KIAA1549L: variants seen among roughly 807,000 people sequenced by gnomAD.
The protein encoded by KIAA1549L is UPF0606 protein KIAA1549L.
In KIAA1549L, 88 loss-of-function variants were observed where a neutral mutation model predicts 160.7. That is an observed-to-expected ratio of 0.55 (90% CI 0.46 to 0.65). KIAA1549L has a LOEUF of 0.65. KIAA1549L is among the 30% of genes least tolerant of loss of function. The pLI, the probability that KIAA1549L is intolerant of heterozygous loss-of-function variation, is 0.00. For synonymous variants in KIAA1549L, 950 were observed against 976.7 expected (o/e 0.97, Z 0.51); for missense variants, 2,258 against 2,437.5 (o/e 0.93, Z 1.55).
At chr11:33,531,499 G>T (rs143866056) in intron 1 of KIAA1549L, among the ~76,000 whole-genome samples, 1 of 152,126 alleles carries the variant, frequency 6.6e-6, no homozygotes, top group African/African-American at 2.4e-5. Context: ...AAAATAAAAT[G>T]GGGAGGGAGA....
At chr11:33,638,926 G>A (rs1222537095) in intron 16 of KIAA1549L, among the ~76,000 whole-genome samples, 1 of 151,982 alleles carries the variant, frequency 6.6e-6, no homozygotes, top group Non-Finnish European at 1.5e-5. Context: ...TTTCATTGAG[G>A]TATCTTTTCA....
intron 16 of KIAA1549L, among the ~76,000 whole-genome samples, chr11:33,642,630 A>G (rs1453014110): frequency 1.3e-5 from 2 of 151,754 alleles, no homozygotes; most frequent in Non-Finnish European, 2.9e-5. Context: ...AGAGCAGGTA[A>G]TTGGAATGAG....
rs1854783668 is a variant in KIAA1549L at position 33,559,888 on chromosome 11, A to G, written c.3995A>G (p.Tyr1332Cys). 1.2e-6 allele frequency: 2 copies of G among 1,613,960 alleles called. No homozygotes were observed. The highest frequency in any genetic ancestry group is 1.1e-5 in the South Asian group (1 of 91,070). Residue 1332 changes from tyrosine (Y) to cysteine (C), a missense_variant, in exon 7 of 21, where the codon TAT becomes TGT. By Grantham distance (194) the Tyr-to-Cys change is radical. Transcript: ENST00000658780. ...GAGCTGGTGGGATTCTACCTCACCT[A>G]TCCGCCGCTAACCATTGCTGAACGT... ...SAELVGFYLT[Y>C]PPLTIAEPLE... is the part of the protein sequence containing the mutation.
chr11:33,603,085 C>T (rs954355563), intron 13 of KIAA1549L, among the ~76,000 whole-genome samples: 5 of 152,136 alleles, frequency 3.3e-5, no homozygotes, highest in African/African-American at 1.2e-4. Context: ...ATGACTTTAA[C>T]TTCTGCATGG....
intron 16 of KIAA1549L, among the ~76,000 whole-genome samples, chr11:33,636,222 G>A (rs952080961): frequency 6.6e-6 from 1 of 152,030 alleles, no homozygotes; most frequent in Non-Finnish European, 1.5e-5. Flanking sequence ...GAGTGGTAAC[G>A]CAATTTGGTT....
At position 33,648,460 on chromosome 11, in the gene KIAA1549L, A is replaced by C. The variant is rs145936561; in HGVS notation, c.5760+2424A>C. 9.3e-5 allele frequency among the ~76,000 whole-genome samples: 14 copies of C among 150,976 alleles called. No individual in the cohort carries two copies. In the East Asian group the frequency reaches 2.4e-3, roughly 26 times the overall value. On this transcript the variant is annotated intron_variant, in intron 17 of 20. Transcript: ENST00000658780. ...TCATGCAGAGTCCTTTTGTGCTTTG[A>C]TAATGTGGAAATCCATAGAAAAGGT...
chr11:33,623,921 C>T (rs1018430765), intron 16 of KIAA1549L, among the ~76,000 whole-genome samples: 1 of 152,148 alleles, frequency 6.6e-6, no homozygotes, highest in African/African-American at 2.4e-5. Flanking sequence ...CGTTCTGGAC[C>T]CTGTCTGCTC....
At chr11:33,630,255 G>C (rs1233879094) in intron 16 of KIAA1549L, among the ~76,000 whole-genome samples, 1 of 152,250 alleles carries the variant, frequency 6.6e-6, no homozygotes, top group Non-Finnish European at 1.5e-5. Flanking sequence ...CCTGCCCCCA[G>C]AGGTGGAGCC....
At chr11:33,659,978 C>G (rs1388810192) in intron 19 of KIAA1549L, among the ~76,000 whole-genome samples, 1 of 152,254 alleles carries the variant, frequency 6.6e-6, no homozygotes, top group Admixed American at 6.5e-5. Context: ...TCCCAGAGTC[C>G]TCCTCTGCTT....
intron 1 of KIAA1549L, among the ~76,000 whole-genome samples, chr11:33,502,695 G>T (rs1852979978): frequency 6.6e-6 from 1 of 152,200 alleles, no homozygotes; most frequent in Non-Finnish European, 1.5e-5. Flanking sequence ...TATGCTTCAT[G>T]GAGTATAGTG....
intron 1 of KIAA1549L, among the ~76,000 whole-genome samples, chr11:33,516,141 T>TGAGATGTGATCAGCTA (rs1590303060): frequency 4.0e-5 from 2 of 49,504 alleles, no homozygotes; most frequent in Admixed American, 1.6e-4. Context: ...AGGTGATTCT[T>TGAGATGTGATCAGCTA]TTTTTTTTTT....
intron 1 of KIAA1549L, among the ~76,000 whole-genome samples, chr11:33,533,687 A>G (rs923006377): frequency 5.3e-5 from 8 of 152,176 alleles, no homozygotes; most frequent in Non-Finnish European, 1.0e-4. Flanking sequence ...AGCTTAGTGA[A>G]AATGTATGTG....
At chr11:33,576,787 A>G (rs770418387) in intron 10 of KIAA1549L, among the ~76,000 whole-genome samples, 1 of 152,144 alleles carries the variant, frequency 6.6e-6, no homozygotes, top group African/African-American at 2.4e-5. Context: ...ATTTGTTGAG[A>G]TGCAGAAGGT....
intron 1 of KIAA1549L, among the ~76,000 whole-genome samples, chr11:33,463,405 G>A (rs1370441520): frequency 6.6e-6 from 1 of 150,984 alleles, no homozygotes; most frequent in African/African-American, 2.4e-5. Context: ...AAAAAAAAAA[G>A]TAGTGTTGAA....
At chr11:33,528,291 T>A (rs1298600361) in intron 1 of KIAA1549L, among the ~76,000 whole-genome samples, 1 of 152,156 alleles carries the variant, frequency 6.6e-6, no homozygotes, top group African/African-American at 2.4e-5. Context: ...ACCTTACTCC[T>A]GCAAGAATGG....
chr11:33,565,228 C>A (rs1855009284), intron 8 of KIAA1549L, among the ~76,000 whole-genome samples: 1 of 152,098 alleles, frequency 6.6e-6, no homozygotes, highest in Non-Finnish European at 1.5e-5. Context: ...CCTGAGCCTG[C>A]CACATTTTTC....
intron 9 of KIAA1549L, among the ~76,000 whole-genome samples, chr11:33,569,424 A>C (rs771191730): frequency 1.8e-4 from 28 of 152,232 alleles, no homozygotes; most frequent in Non-Finnish European, 3.8e-4. Context: ...TACCCCTGGC[A>C]TGTGAACCCC....
At chr11:33,530,439 ATATATATATATAT>A (rs1853738476) in intron 1 of KIAA1549L, among the ~76,000 whole-genome samples, 2 of 3,740 alleles carry the variant, frequency 5.3e-4, no homozygotes, top group African/African-American at 1.2e-3. Flanking sequence ...AAAAAAAAAT[ATATATATATATAT>A]ATATATATAT....
intron 1 of KIAA1549L, among the ~76,000 whole-genome samples, chr11:33,465,931 T>C (rs1336025649): frequency 2.6e-5 from 4 of 152,170 alleles, no homozygotes; most frequent in African/African-American, 7.2e-5. Context: ...GACATAGGCA[T>C]GGACAAGGAC....
Sources: gnomAD v4.1 joint callset for allele counts (sites outside exome capture counted in the v4.1 genomes callset) on GRCh38, gnomAD v4.1.1 for gene constraint, MANE v1.5 for transcripts, NCBI Gene and HGNC (gene_info 2026-07-23, HGNC 2026-07-21) for gene names.